Variants in ZNF18 observed in about 807,000 individuals in gnomAD.
ZNF18 encodes zinc finger protein 18, also known as heart development-specific gene 1 protein.
ZNF18 carries 42 observed loss-of-function variants against 58.1 expected under a neutral mutation model. The observed-to-expected ratio is 0.72, with a 90% CI of 0.56 to 0.93. The LOEUF is 0.93. Among genes scored for constraint, ZNF18 ranks in the 40% least tolerant of loss-of-function variants. The pLI is 0.00. For synonymous variants in ZNF18, 231 were observed against 239.8 expected (o/e 0.96, Z 0.34); for missense variants, 540 against 644.2 (o/e 0.84, Z 1.75).
At chr17:11,988,444 C>T (rs1967890452) in intron 4 of ZNF18, among the ~76,000 whole-genome samples, 1 of 152,118 alleles carries the variant, frequency 6.6e-6, no homozygotes, top group Non-Finnish European at 1.5e-5. Flanking sequence ...TTAGAATCGA[C>T]AGGGTAGAAA....
chr17:11,977,755 GA>G lies in ZNF18; in HGVS notation c.*201del. On this transcript the variant is annotated 3_prime_UTR_variant, in exon 7 of 7. Transcript: ENST00000580306. ...GAAGACTATTCTTTCTCCTGAGGCAGAATCAAGAATTTAAGCCATTGTGCAA... is the reference window on the plus strand; with the variant it reads ...GAAGACTATTCTTTCTCCTGAGGCAGATCAAGAATTTAAGCCATTGTGCAA... The G allele has an allele frequency of 5.5e-6, 3 of 550,052 alleles. No homozygotes were observed. Among genetic ancestry groups the G allele is most frequent in the Non-Finnish European group, 9.1e-6 (3 of 328,680 alleles). The allele number at this position is 550,052 out of a possible 1,614,324, so 34.1% of individuals were successfully genotyped here.
chr17:11,992,244 GC>G (rs1168192816), intron 2 of ZNF18, among the ~76,000 whole-genome samples, 198 bp downstream of exon 2: 5 of 152,188 alleles, frequency 3.3e-5, no homozygotes, highest in African/African-American at 1.2e-4. Context: ...CTTGGATTGA[GC>G]CCTGAACCTC....
chr17:12,016,625 C>T, the ZNF18 span, among the ~76,000 whole-genome samples: 1 of 151,952 alleles, frequency 6.6e-6, no homozygotes, highest in Non-Finnish European at 1.5e-5. Flanking sequence ...CCACTGTGCC[C>T]AGTCCTTTTT....
chr17:12,001,565 C>T (rs918690182), upstream of ZNF18, among the ~76,000 whole-genome samples: 2 of 151,962 alleles, frequency 1.3e-5, no homozygotes, highest in African/African-American at 4.8e-5. Context: ...GGAGGCGGAG[C>T]TTGCAGTGAA....
chr17:12,009,965 A>G, the ZNF18 span, among the ~76,000 whole-genome samples: 1 of 152,222 alleles, frequency 6.6e-6, no homozygotes. Context: ...AGCAGATGGT[A>G]GTTTAGAAAA....
the ZNF18 span, chr17:12,020,696 G>T: frequency 1.7e-5 from 6 of 357,466 alleles, no homozygotes; most frequent in African/African-American, 1.1e-4. Flanking sequence ...ACCCAGAGCC[G>T]GGCGGTTCTG....
At chr17:12,007,671 C>A in the ZNF18 span, among the ~76,000 whole-genome samples, 5 of 152,300 alleles carry the variant, frequency 3.3e-5, no homozygotes, top group East Asian at 9.7e-4. Flanking sequence ...TCTGTCCCTG[C>A]TACCTGCTGC....
At chr17:11,979,567 T>G (rs1375075958) in intron 6 of ZNF18, among the ~76,000 whole-genome samples, 1 of 152,224 alleles carries the variant, frequency 6.6e-6, no homozygotes, top group African/African-American at 2.4e-5. Context: ...TTTTTGGTTA[T>G]AGTACTTAAT....
chr17:12,008,951 C>A, the ZNF18 span, among the ~76,000 whole-genome samples: 67 of 152,272 alleles, frequency 4.4e-4, no homozygotes, highest in African/African-American at 1.5e-3. Flanking sequence ...ATACCATGGT[C>A]CAAAATTCGG....
rs1178638565 is a variant in ZNF18 at position 11,991,158 on chromosome 17, A to G, written c.393T>C (p.Ser131=). 6.2e-7 allele frequency: 1 copy of G among 1,613,592 alleles called. No homozygotes were observed. The highest frequency in any genetic ancestry group is 1.1e-5 in the South Asian group (1 of 91,054). ...GDPQRLWQWI[S]IQVLGQDILS... ...AGATGTCCTGTCCTAGAACCTGGAT[A>G]CTGATCTAGAGACCATATATTAATT... The change falls in exon 3 of 7, where the codon AGT becomes AGC. Residue 131 remains serine (S), a synonymous_variant. Coordinates refer to ENST00000580306, the MANE Select transcript of ZNF18 (RefSeq NM_001303281.2).
In ZNF18 at chr17:11,990,977, G is replaced by C; in HGVS notation, c.574C>G (p.Leu192Val). The change falls in exon 3 of 7, where the codon CTA becomes GTA. Residue 192 changes from leucine to valine, a missense_variant. Coordinates refer to ENST00000580306, the MANE Select transcript of ZNF18 (RefSeq NM_001303281.2). ...VKEESDTEAELALAASQPARL... is the reference protein window; with the variant it reads ...VKEESDTEAEVALAASQPARL... ...CACCACACAGCACCATCCTCACCTA[G>C]TTCTGCTTCTGTGTCAGATTCCTCT... 6.2e-7 allele frequency: 1 copy of C among 1,613,400 alleles called. No individual in the cohort carries two copies. Among genetic ancestry groups the C allele is most frequent in the Non-Finnish European group, 8.5e-7 (1 of 1,179,558 alleles).
the ZNF18 span, among the ~76,000 whole-genome samples, chr17:12,019,806 A>G: frequency 5.3e-5 from 8 of 152,346 alleles, no homozygotes; most frequent in South Asian, 8.3e-4. Context: ...TTGGGAAAGA[A>G]GTCTAGCTGT....
chr17:12,017,398 C>A, the ZNF18 span, among the ~76,000 whole-genome samples: 1 of 152,124 alleles, frequency 6.6e-6, no homozygotes, highest in Non-Finnish European at 1.5e-5. Flanking sequence ...GGTCCTGAGC[C>A]CTTGGCAATT....
chr17:12,015,273 T>C, the ZNF18 span, among the ~76,000 whole-genome samples: 1 of 152,228 alleles, frequency 6.6e-6, no homozygotes, highest in African/African-American at 2.4e-5. Context: ...ATGCTTGTTG[T>C]GGTCTCACAT....
rs143602913 is a variant in ZNF18, at chr17:11,982,657, AGTGTGTGTGTGTGT to A, written c.862+626_862+639del. On this transcript the variant is annotated intron_variant, in intron 6 of 6. Transcript: ENST00000580306. ...TTCTGGGATTTACTGTATATATAAA[AGTGTGTGTGTGTGT>A]GTGTGTGTGTGTGTGTGTGTGTGTG... 8.9e-3 allele frequency among the ~76,000 whole-genome samples: 1,219 copies of A among 136,804 alleles called. 23 individuals carry two copies. Among genetic ancestry groups the A allele is most frequent in the African/African-American group, 0.03 (1,121 of 37,808 alleles). 89.7% of individuals were successfully genotyped at this position (136,804 alleles called of 152,430 possible).
chr17:11,993,489 A>T (rs1218474258), intron 1 of ZNF18: 1 of 152,200 alleles, frequency 6.6e-6, no homozygotes, highest in Admixed American at 6.5e-5. Flanking sequence ...TATGAAAAAA[A>T]CAAGTATCAT....
chr17:11,981,772 TA>T (rs1182754247), intron 6 of ZNF18, among the ~76,000 whole-genome samples: 1 of 152,042 alleles, frequency 6.6e-6, no homozygotes, highest in African/African-American at 2.4e-5. Context: ...AAACTCGTCT[TA>T]AAAATAAATC....
chr17:12,018,698 C>T, the ZNF18 span, among the ~76,000 whole-genome samples: 2 of 152,150 alleles, frequency 1.3e-5, no homozygotes, highest in East Asian at 3.8e-4. Context: ...TCATACATAG[C>T]TTCCTCAGTT....
chr17:12,015,187 T>C, the ZNF18 span, among the ~76,000 whole-genome samples: 1 of 152,194 alleles, frequency 6.6e-6, no homozygotes, highest in Non-Finnish European at 1.5e-5. Context: ...TGTTACCTAA[T>C]CTCAAAAGCA....
Sources: allele counts gnomAD v4.1 joint callset (sites outside exome capture counted in the v4.1 genomes callset), GRCh38; gene constraint gnomAD v4.1.1; transcripts MANE v1.5; gene names NCBI Gene and HGNC (gene_info 2026-07-23, HGNC 2026-07-21).